Variants in PLAGL1 observed in about 807,000 individuals in gnomAD.
PLAGL1 encodes zinc finger protein PLAGL1.
In PLAGL1, 1 loss-of-function variant was observed where a neutral mutation model predicts 4.6. The ratio of observed to expected loss-of-function variants is 0.22; its 90% CI spans 0.08 to 1.03. The LOEUF (loss-of-function observed/expected upper bound fraction) is 1.03, where lower values mean the gene tolerates loss of function less well. PLAGL1 is among the 50% of genes least tolerant of loss of function. The probability of loss-of-function intolerance (pLI) is 0.58; values close to 1 mark genes in which losing one functional copy is unlikely to be tolerated. For missense variants in PLAGL1, 464 were observed against 570.4 expected (o/e 0.81, Z 1.90); for synonymous variants, 240 against 237.8 (o/e 1.01, Z -0.08).
Position 144,003,579 on chromosome 6 carries a change from G to A in PLAGL1, c.-584+4511C>T, listed in dbSNP as rs1308438176. Among the ~76,000 whole-genome samples, 9 of 147,560 alleles carry A rather than the reference G, an allele frequency of 6.1e-5. No homozygotes were observed. In the East Asian group the frequency reaches 1.6e-3, roughly 26 times the overall value. ...GCGGAGTTTGCAGTGAGCCGAGGTC[G>A]TGCCACTGCACTCCAGCCTGGGTGA... On this transcript the variant is annotated intron_variant, in intron 1 of 7. Transcript: ENST00000674357.
rs1040749064 is a variant in PLAGL1, at chr6:143,982,282, G to T, written c.-544+2853C>A. ...GGTGAGAGGATGACAATTTAGGGAG[G>T]ATCTGAAGGAGGTAAGGATGTAAGT... On this transcript the variant is annotated intron_variant, in intron 2 of 7. Transcript: ENST00000674357. The surrounding 1 kb of genome is among the most constrained non-coding windows in gnomAD (Gnocchi z 5.3). 2.0e-4 allele frequency among the ~76,000 whole-genome samples: 31 copies of T among 152,102 alleles called. No homozygotes were observed. Among genetic ancestry groups the T allele is most frequent in the Non-Finnish European group, 3.2e-4 (22 of 67,994 alleles).
intron 1 of PLAGL1, among the ~76,000 whole-genome samples, chr6:144,045,886 T>C (rs941272557): frequency 6.6e-6 from 1 of 152,206 alleles, no homozygotes; most frequent in Non-Finnish European, 1.5e-5. Context: ...TTTGTTCATT[T>C]CTTTTACTCT....
Position 143,964,690 on chromosome 6 carries a change from C to T in PLAGL1, c.-399+97G>A, listed in dbSNP as rs1217581092. On this transcript the variant is annotated intron_variant, in intron 5 of 7. Coordinates refer to ENST00000674357, the MANE Select transcript of PLAGL1 (RefSeq NM_001317162.2). The surrounding 1 kb of genome is among the most constrained non-coding windows in gnomAD (Gnocchi z 4.3). ...GCTCTGGTGACCTAGGGTGGAGGGG[C>T]GGGGTGGCGGGGAGGGCAGCAGGCT... The T allele has an allele frequency of 1.7e-3, 10 of 6,060 alleles. No individual in the cohort carries two copies. Among genetic ancestry groups the T allele is most frequent in the African/African-American group, 6.0e-3 (8 of 1,334 alleles). 0.4% of individuals were successfully genotyped at this position (6,060 alleles called of 1,614,324 possible).
At chr6:144,058,119 C>T (rs938234628) in intron 1 of PLAGL1, among the ~76,000 whole-genome samples, 5 of 152,170 alleles carry the variant, frequency 3.3e-5, no homozygotes, top group Non-Finnish European at 7.3e-5. Flanking sequence ...TTTCTGTAGG[C>T]TGTACAAGAA....
chr6:144,032,465 T>G (rs1357204455), intron 1 of PLAGL1, among the ~76,000 whole-genome samples: 1 of 152,114 alleles, frequency 6.6e-6, no homozygotes, highest in Non-Finnish European at 1.5e-5. Flanking sequence ...TGCCTTCTAA[T>G]TTTTAGCTTC....
At chr6:144,017,710 C>T (rs970668199) in intron 1 of PLAGL1, among the ~76,000 whole-genome samples, 2 of 152,240 alleles carry the variant, frequency 1.3e-5, no homozygotes, top group East Asian at 3.9e-4. Flanking sequence ...AATGGAAAAC[C>T]TCCTCTCCAT....
chr6:144,009,346 G>T (rs1203749680), upstream of PLAGL1, among the ~76,000 whole-genome samples: 1 of 152,030 alleles, frequency 6.6e-6, no homozygotes, highest in Non-Finnish European at 1.5e-5. Context: ...TTTAGTTCTT[G>T]ATGGACTTCC....
intron 7 of PLAGL1, among the ~76,000 whole-genome samples, chr6:143,946,664 C>T (rs1429525821): frequency 4.6e-5 from 7 of 152,196 alleles, no homozygotes; most frequent in African/African-American, 1.2e-4. Context: ...GTGCCTTCCT[C>T]CAGGGTCACT....
intron 1 of PLAGL1, among the ~76,000 whole-genome samples, chr6:143,999,569 C>G (rs1792386584): frequency 6.6e-6 from 1 of 152,194 alleles, no homozygotes; most frequent in Non-Finnish European, 1.5e-5. Context: ...TCAAAAGACT[C>G]AGATATAAAT....
chr6:144,042,277 G>A (rs907289016), intron 1 of PLAGL1, among the ~76,000 whole-genome samples: 1 of 152,086 alleles, frequency 6.6e-6, no homozygotes, highest in African/African-American at 2.4e-5. Context: ...GTACTGCCTA[G>A]GTTTTCTTCT....
In PLAGL1 at chr6:143,983,149, T is replaced by TGTGCAGACTCAGAA. The variant is rs1346384651; in HGVS notation, c.-544+1972_-544+1985dup. On this transcript the variant is annotated intron_variant, in intron 2 of 7. Transcript: ENST00000674357. The surrounding 1 kb of genome is among the most constrained non-coding windows in gnomAD (Gnocchi z 6.6). ...TGCAATAGGAAGGCAGTTGGGAAAG[T>TGTGCAGACTCAGAA]GTGCAGACTCAGAAGACAAGAGAAG... Among the ~76,000 whole-genome samples, 1 of 152,076 alleles carries TGTGCAGACTCAGAA rather than the reference T, an allele frequency of 6.6e-6. No individual in the cohort carries two copies. The highest frequency in any genetic ancestry group is 1.5e-5 in the Non-Finnish European group (1 of 68,014).
rs985354142 is a variant in PLAGL1, at chr6:143,947,931, A to G, written c.152+54T>C. The G allele has an allele frequency of 1.3e-6, 2 of 1,494,752 alleles. No individual in the cohort carries two copies. The highest frequency in any genetic ancestry group is 1.9e-6 in the Non-Finnish European group (2 of 1,076,078). The allele number at this position is 1,494,752 out of a possible 1,614,324, so 92.6% of individuals were successfully genotyped here. A position where few individuals can be genotyped will look rare whatever the true frequency, so the allele number is the denominator to read the frequency against. The stretch of plus-strand genomic sequence containing the variant: ...TTGCATCGTGTGGTCTGAGGGCTAG[A>G]AAAGCCATTTAAACGTACTTCTAAA... On this transcript the variant is annotated intron_variant, in intron 7 of 7. Transcript: ENST00000674357. The surrounding 1 kb of genome is among the most constrained non-coding windows in gnomAD (Gnocchi z 4.3).
At chr6:144,003,086 AC>A (rs748629290) in intron 1 of PLAGL1, among the ~76,000 whole-genome samples, 55 of 152,226 alleles carry the variant, frequency 3.6e-4, no homozygotes, top group Non-Finnish European at 6.9e-4. Context: ...AGTGGAAAGA[AC>A]AGAGTCCAGA....
Position 143,942,447 on chromosome 6 carries a change from C to A in PLAGL1, c.369G>T (p.Gly123=), listed in dbSNP as rs780620100. 1.2e-4 allele frequency: 195 copies of A among 1,613,998 alleles called. No homozygotes were observed. The highest frequency in any genetic ancestry group is 1.5e-4 in the Admixed American group (9 of 60,010). Residue 123 remains glycine (G), a synonymous_variant, in exon 8 of 8, where the codon GGG becomes GGT. Transcript: ENST00000674357. This position sits in a 1 kb window ranked among gnomAD's most constrained non-coding sequence, Gnocchi z 7.6. ...TGCTCCCTAGCTCCAGGGCACAGAC[C>A]CCACAGGTGAGGTCCCCACTGCTGG... ...HAASSGDLTC[G]VCALELGSTE... is the part of the protein sequence containing the mutation.
At chr6:144,029,428 A>G (rs145255441) in intron 1 of PLAGL1, among the ~76,000 whole-genome samples, 2 of 152,384 alleles carry the variant, frequency 1.3e-5, no homozygotes, top group Admixed American at 1.3e-4. Flanking sequence ...TCCTTAATAT[A>G]GAGAAAGCTT....
Position 143,949,008 on chromosome 6 carries a change from T to C in PLAGL1, c.-324-548A>G, listed in dbSNP as rs543329479. ...TAAGATTACTCTGCAGAAGGGCTGA[T>C]ATAAACAGAATGTGCATGAAGCTAG... On this transcript the variant is annotated intron_variant, in intron 6 of 7. Coordinates refer to ENST00000674357, the MANE Select transcript of PLAGL1 (RefSeq NM_001317162.2). The surrounding 1 kb of genome is among the most constrained non-coding windows in gnomAD (Gnocchi z 5.3). Among the ~76,000 whole-genome samples the C allele has an allele frequency of 6.6e-6, 1 of 152,372 alleles. No homozygotes were observed. Among genetic ancestry groups the C allele is most frequent in the South Asian group, 2.1e-4 (1 of 4,830 alleles).
chr6:143,959,428 C>G lies in PLAGL1; in HGVS notation c.-325+1041G>C, dbSNP rs984852562. Among the ~76,000 whole-genome samples the G allele has an allele frequency of 1.3e-5, 2 of 152,166 alleles. No individual in the cohort carries two copies. The highest frequency in any genetic ancestry group is 1.3e-4 in the Admixed American group (2 of 15,276). On this transcript the variant is annotated intron_variant, in intron 6 of 7. Transcript: ENST00000674357. The surrounding 1 kb of genome is among the most constrained non-coding windows in gnomAD (Gnocchi z 5.3). ...AGAAGATACAGGCAAGACGCTCCCCCACCCCACCCCAACTCCCAGCCCTAA... is the reference window on the plus strand; with the variant it reads ...AGAAGATACAGGCAAGACGCTCCCCGACCCCACCCCAACTCCCAGCCCTAA...
chr6:143,948,673 A>T lies in PLAGL1; in HGVS notation c.-324-213T>A, dbSNP rs1780325004. Among the ~76,000 whole-genome samples the T allele has an allele frequency of 6.6e-6, 1 of 152,128 alleles. No homozygotes were observed. The highest frequency in any genetic ancestry group is 6.5e-5 in the Admixed American group (1 of 15,274). On this transcript the variant is annotated intron_variant, in intron 6 of 7. Coordinates refer to ENST00000674357, the MANE Select transcript of PLAGL1 (RefSeq NM_001317162.2). This position sits in a 1 kb window ranked among gnomAD's most constrained non-coding sequence, Gnocchi z 6.0. The stretch of plus-strand genomic sequence containing the variant: ...GGAGTCAAGCACTGATGGCCAGTGG[A>T]GCACACTTTCCCTCTGGTAAGGAGA...
In PLAGL1 at chr6:144,027,285, A is replaced by AAG; in HGVS notation, c.-151+37181_-151+37182dup. ...AAAGAAAGAAAGAAAGAAAGAAAGA[A>AAG]AGAAAGAAAGTTATTTGATCTGAAG... On this transcript the variant is annotated intron_variant, in intron 1 of 3. Coordinates refer to the PLAGL1 transcript ENST00000437412. The surrounding 1 kb of genome is among the most constrained non-coding windows in gnomAD (Gnocchi z 5.8). 8.3e-6 allele frequency among the ~76,000 whole-genome samples: 1 copy of AAG among 120,752 alleles called. No individual in the cohort carries two copies. Among genetic ancestry groups the AAG allele is most frequent in the East Asian group, 2.0e-4 (1 of 4,948 alleles). The allele number at this position is 120,752 out of a possible 152,430, so 79.2% of individuals were successfully genotyped here. A position where few individuals can be genotyped will look rare whatever the true frequency, so the allele number is the denominator to read the frequency against.
Sources: allele counts gnomAD v4.1 joint callset (sites outside exome capture counted in the v4.1 genomes callset), GRCh38; gene constraint gnomAD v4.1.1; non-coding constraint Gnocchi (gnomAD v3.1); transcripts MANE v1.5; gene names NCBI Gene and HGNC (gene_info 2026-07-23, HGNC 2026-07-21).